PIK3R4: variants seen among roughly 807,000 people sequenced by gnomAD.
PIK3R4 encodes phosphoinositide-3-kinase regulatory subunit 4, also known as phosphoinositide 3-kinase regulatory subunit 4.
A neutral mutation model predicts 136.5 loss-of-function variants in PIK3R4; 46 were observed. The observed-to-expected ratio is 0.34, with a 90% CI of 0.27 to 0.43. The LOEUF (loss-of-function observed/expected upper bound fraction) is 0.43, where lower values mean the gene tolerates loss of function less well. Ranked by LOEUF, PIK3R4 falls within the 20% of genes least tolerant of loss-of-function variation. The probability of loss-of-function intolerance (pLI) is 1.00; values close to 1 mark genes in which losing one functional copy is unlikely to be tolerated. For missense variants in PIK3R4, 1,331 were observed against 1,649.5 expected, an observed-to-expected ratio of 0.81 and a Z score of 3.35; for synonymous variants, 557 against 566.7, an observed-to-expected ratio of 0.98 and a Z score of 0.24.
At chr3:130,723,316 T>A in intron 7 of PIK3R4, 98 bp downstream of exon 7, 1 of 1,011,042 alleles carries the variant, frequency 9.9e-7, no homozygotes, top group Non-Finnish European at 1.5e-6. Flanking sequence ...CCCCACACAA[T>A]CAATAGCAGG....
chr3:130,721,151 C>T (rs1360897803), intron 7 of PIK3R4, among the ~76,000 whole-genome samples: 2 of 151,424 alleles, frequency 1.3e-5, no homozygotes, highest in South Asian at 4.2e-4. Context: ...CTGGCTAACA[C>T]GGTGAAACCC....
At chr3:130,681,734 T>TAATA in intron 16 of PIK3R4, 143 bp from the exon 17 acceptor site, 1 of 568,982 alleles carries the variant, frequency 1.8e-6, no homozygotes, top group Non-Finnish European at 3.2e-6. Flanking sequence ...ATTCACTTAA[T>TAATA]AATATTTACT....
chr3:130,736,756 CAG>C (rs1377327477), intron 2 of PIK3R4, among the ~76,000 whole-genome samples: 3 of 151,796 alleles, frequency 2.0e-5, no homozygotes, highest in East Asian at 3.9e-4. Flanking sequence ...CATCATTAAA[CAG>C]AAAGTTTATG....
At chr3:130,711,508 C>T (rs1335310537) in intron 9 of PIK3R4, among the ~76,000 whole-genome samples, 1 of 152,176 alleles carries the variant, frequency 6.6e-6, no homozygotes, top group Non-Finnish European at 1.5e-5. Flanking sequence ...AGGGTCTCCT[C>T]AAGTCTTTGG....
Position 130,745,126 on chromosome 3 carries a change from G to T in PIK3R4, c.93C>A (p.Ser31Arg). Residue 31 changes from serine (S) to arginine (R), a missense_variant, in exon 2 of 20, where the codon AGC becomes AGA. Around this residue, in one of 2 missense-constraint regions of PIK3R4, gnomAD observed 151 missense variants for 242.5 expected, o/e 0.62. Coordinates refer to ENST00000356763, the MANE Select transcript of PIK3R4 (RefSeq NM_014602.3). ...CTTTAAAAAACCGAGTACTCCCCAG[G>T]CTTTTATCATATTCAAAGTCATGAA... Reference protein sequence around the residue: ...SDIHDFEYDKSLGSTRFFKVA... With the variant: ...SDIHDFEYDKRLGSTRFFKVA... The T allele has an allele frequency of 6.2e-7, 1 of 1,613,510 alleles. No individual in the cohort carries two copies.
chr3:130,726,833 G>A (rs1353008997), intron 6 of PIK3R4, among the ~76,000 whole-genome samples: 3 of 151,730 alleles, frequency 2.0e-5, no homozygotes, highest in Non-Finnish European at 4.4e-5. Context: ...TTTAAGAACC[G>A]ACTTTTCCCG....
rs2066844805 is a variant in PIK3R4 at position 130,744,996 on chromosome 3, T to G, written c.223A>C (p.Lys75Gln). 1 of 1,614,084 alleles carries G rather than the reference T, an allele frequency of 6.2e-7. No homozygotes were observed. The highest frequency in any genetic ancestry group is 1.3e-5 in the African/African-American group (1 of 74,924). The change falls in exon 2 of 20, where the codon AAA becomes CAA. Residue 75 changes from lysine (K) to glutamine (Q), a missense_variant. Coordinates refer to ENST00000356763, the MANE Select transcript of PIK3R4 (RefSeq NM_014602.3). ...TTCTGTGCAGAATTAAGCCTGATTTTCAGTTCCTCCAGCTCTTGTTTATAG... is the reference window on the plus strand; with the variant it reads ...TTCTGTGCAGAATTAAGCCTGATTTGCAGTTCCTCCAGCTCTTGTTTATAG... Reference protein sequence around the residue: ...TSYKQELEELKIRLNSAQNCL... With the variant: ...TSYKQELEELQIRLNSAQNCL...
intron 9 of PIK3R4, among the ~76,000 whole-genome samples, chr3:130,712,637 T>C (rs75219664): frequency 0.21 from 31,130 of 151,126 alleles, 3,469 homozygotes; most frequent in South Asian, 0.36. Flanking sequence ...CATTGCATTC[T>C]AGCCTGGGCA....
At chr3:130,730,614 G>T (rs2056487) in intron 4 of PIK3R4, among the ~76,000 whole-genome samples, 172 bp from the exon 5 acceptor site, 2 of 151,274 alleles carry the variant, frequency 1.3e-5, no homozygotes, top group Non-Finnish European at 2.9e-5. Flanking sequence ...CTCATAATCT[G>T]TAACTGTCTC....
intron 9 of PIK3R4, among the ~76,000 whole-genome samples, chr3:130,715,058 C>A (rs1241521617): frequency 6.6e-6 from 1 of 151,944 alleles, no homozygotes; most frequent in Non-Finnish European, 1.5e-5. Flanking sequence ...ATTTACACTC[C>A]CACTGACAGT....
Position 130,723,628 on chromosome 3 carries a change from A to C in PIK3R4, c.1808-41T>G, listed in dbSNP as rs767259283. On this transcript the variant is annotated intron_variant, in intron 6 of 19. Coordinates refer to ENST00000356763, the MANE Select transcript of PIK3R4 (RefSeq NM_014602.3). Reference sequence around the variant, plus strand: ...AATATTATGTGATTATTCAATACCTAAAAGTACATATATCATTAAGTAAAG... The same window carrying C: ...AATATTATGTGATTATTCAATACCTCAAAGTACATATATCATTAAGTAAAG... The C allele has an allele frequency of 4.1e-5, 63 of 1,528,698 alleles. No homozygotes were observed. In the South Asian group the frequency reaches 7.4e-4, roughly 18 times the overall value. 94.7% of individuals were successfully genotyped at this position (1,528,698 alleles called of 1,614,324 possible).
chr3:130,737,174 A>G (rs1209444229), intron 2 of PIK3R4, among the ~76,000 whole-genome samples: 1 of 152,198 alleles, frequency 6.6e-6, no homozygotes, highest in African/African-American at 2.4e-5. Context: ...AATGTCACTC[A>G]GCAGTAATGC....
intron 2 of PIK3R4, among the ~76,000 whole-genome samples, chr3:130,740,474 T>C (rs1444054395): frequency 6.6e-6 from 1 of 152,140 alleles, no homozygotes; most frequent in Non-Finnish European, 1.5e-5. Context: ...CAGTGGCTCA[T>C]ACCTGTAATC....
chr3:130,681,593 TA>T lies in PIK3R4; in HGVS notation c.3608-3del. The stretch of plus-strand genomic sequence containing the variant: ...ACACTTCGTTGTTGCCCTGAACAGC[TA>T]AAGGAAACAAAGGCCAGAATCTTGA... On this transcript the variant is annotated splice_region_variant and splice_polypyrimidine_tract_variant and intron_variant, in intron 16 of 19. Transcript: ENST00000356763. 2 of 1,582,072 alleles carry T rather than the reference TA, an allele frequency of 1.3e-6. No homozygotes were observed. Among genetic ancestry groups the T allele is most frequent in the Non-Finnish European group, 1.7e-6 (2 of 1,152,998 alleles).
intron 13 of PIK3R4, among the ~76,000 whole-genome samples, chr3:130,695,961 T>G (rs1354618433): frequency 6.6e-6 from 1 of 152,178 alleles, no homozygotes; most frequent in East Asian, 1.9e-4. Flanking sequence ...TCTTTATTAT[T>G]ATAGATCTAT....
intron 8 of PIK3R4, among the ~76,000 whole-genome samples, 160 bp downstream of exon 8, chr3:130,718,229 G>T (rs1292570418): frequency 6.6e-6 from 1 of 152,130 alleles, no homozygotes; most frequent in Non-Finnish European, 1.5e-5. Flanking sequence ...CTTCAAAGGT[G>T]CTTGGTTCAT....
chr3:130,696,921 G>C (rs1328376775), intron 13 of PIK3R4, among the ~76,000 whole-genome samples: 1 of 151,936 alleles, frequency 6.6e-6, no homozygotes, highest in Non-Finnish European at 1.5e-5. Context: ...GTGTGTTTTT[G>C]GGGCTCTGCT....
In PIK3R4 at chr3:130,709,928, C is replaced by T. The variant is rs555730013; in HGVS notation, c.2332-1436G>A. 1.5e-4 allele frequency among the ~76,000 whole-genome samples: 23 copies of T among 152,180 alleles called. No homozygotes were observed. In the South Asian group the frequency reaches 2.9e-3, roughly 19 times the overall value. ...TTCTTTTCAGGGTGACGAAAATGTTCTGGAATTTAACAGTGGTGATGTTTG... is the reference window on the plus strand; with the variant it reads ...TTCTTTTCAGGGTGACGAAAATGTTTTGGAATTTAACAGTGGTGATGTTTG... On this transcript the variant is annotated intron_variant, in intron 9 of 19. Transcript: ENST00000356763.
chr3:130,734,698 C>T (rs2066776483), intron 3 of PIK3R4, among the ~76,000 whole-genome samples: 1 of 151,854 alleles, frequency 6.6e-6, no homozygotes, highest in African/African-American at 2.4e-5. Flanking sequence ...TTAAATTCTG[C>T]AAACACTAGA....
Sources: allele counts gnomAD v4.1 joint callset (sites outside exome capture counted in the v4.1 genomes callset), GRCh38; gene constraint gnomAD v4.1.1; regional missense constraint gnomAD v4.1.1; transcripts MANE v1.5; gene names NCBI Gene and HGNC (gene_info 2026-07-23, HGNC 2026-07-21).